The following SNX10 variants were observed in gnomAD, a reference collection of about 807,000 sequenced individuals.
SNX10 encodes the protein sorting nexin-10.
A neutral mutation model predicts 28.5 loss-of-function variants in SNX10; 25 were observed. That is an observed-to-expected ratio of 0.88 (90% CI 0.64 to 1.22). The LOEUF (loss-of-function observed/expected upper bound fraction) is 1.22, where lower values mean the gene tolerates loss of function less well. SNX10 is among the 50% of genes most tolerant of loss of function. The pLI is 0.00. For missense variants in SNX10, 223 were observed against 242.6 expected (o/e 0.92, Z 0.54); for synonymous variants, 62 against 81.4 (o/e 0.76, Z 1.28).
Position 26,364,177 on chromosome 7 carries a change from T to A in SNX10, c.112-358T>A. The A allele has an allele frequency of 3.4e-6, 1 of 292,576 alleles. No homozygotes were observed. Among genetic ancestry groups the A allele is most frequent in the Non-Finnish European group, 5.1e-6 (1 of 194,586 alleles). 18.1% of individuals were successfully genotyped at this position (292,576 alleles called of 1,614,324 possible). On this transcript the variant is annotated intron_variant, in intron 3 of 6. Coordinates refer to ENST00000338523, the MANE Select transcript of SNX10 (RefSeq NM_013322.3). This position sits in a 1 kb window ranked among gnomAD's most constrained non-coding sequence, Gnocchi z 4.9. ...CCAGCTTACGTGGATGGTGGTAAAA[T>A]GCAACGGATGAACCTGAGCTCCTAC... is the stretch of plus-strand genomic sequence containing the variant.
chr7:26,316,099 GCGTGAACCC>G (rs1787072984), intron 1 of SNX10, among the ~76,000 whole-genome samples: 1 of 151,240 alleles, frequency 6.6e-6, no homozygotes, highest in Admixed American at 6.6e-5. Context: ...CAGGAGAATG[GCGTGAACCC>G]CAGAGGCAGA....
At chr7:26,322,214 A>G (rs1300457699) in intron 1 of SNX10, among the ~76,000 whole-genome samples, 1 of 152,216 alleles carries the variant, frequency 6.6e-6, no homozygotes, top group Non-Finnish European at 1.5e-5. Context: ...GGGAATGCTG[A>G]GTGGTACCCA....
At chr7:26,333,473 G>A (rs1342527303) in intron 1 of SNX10, among the ~76,000 whole-genome samples, 6 of 151,886 alleles carry the variant, frequency 4.0e-5, no homozygotes, top group East Asian at 1.9e-4. Flanking sequence ...ACAGGTGCCC[G>A]CCACCGCACC....
intron 2 of SNX10, among the ~76,000 whole-genome samples, chr7:26,351,559 A>G (rs1788595587): frequency 6.6e-6 from 1 of 152,210 alleles, no homozygotes; most frequent in South Asian, 2.1e-4. Flanking sequence ...AAGGAAACAC[A>G]ATGACCAAAT....
chr7:26,330,803 C>G (rs187882807), intron 1 of SNX10, among the ~76,000 whole-genome samples: 24 of 151,998 alleles, frequency 1.6e-4, no homozygotes, highest in African/African-American at 5.6e-4. Context: ...GAGAATCGCT[C>G]GAGCCCTGGA....
intron 1 of SNX10, among the ~76,000 whole-genome samples, chr7:26,330,261 G>A (rs904433904): frequency 4.6e-5 from 7 of 152,146 alleles, no homozygotes; most frequent in Non-Finnish European, 5.9e-5. Context: ...AAAGCCACAG[G>A]CATGAGGAGC....
At chr7:26,327,635 A>G (rs912873417) in intron 1 of SNX10, among the ~76,000 whole-genome samples, 5 of 143,570 alleles carry the variant, frequency 3.5e-5, no homozygotes, top group Non-Finnish European at 7.7e-5. Flanking sequence ...ATATGTTTTA[A>G]TTTTCTTTGT....
chr7:26,352,725 T>A (rs1288114032), intron 2 of SNX10, among the ~76,000 whole-genome samples: 1 of 152,228 alleles, frequency 6.6e-6, no homozygotes, highest in Non-Finnish European at 1.5e-5. Flanking sequence ...TCATCAAATA[T>A]TCAATGTGCA....
chr7:26,317,458 C>T (rs951530251), intron 1 of SNX10, among the ~76,000 whole-genome samples: 3 of 152,140 alleles, frequency 2.0e-5, no homozygotes, highest in Non-Finnish European at 4.4e-5. Flanking sequence ...ACATACTCAG[C>T]ACAAGGCCGA....
chr7:26,319,096 T>C (rs771378733), intron 1 of SNX10, among the ~76,000 whole-genome samples: 10 of 152,232 alleles, frequency 6.6e-5, no homozygotes, highest in Non-Finnish European at 1.0e-4. Flanking sequence ...GGGAGGTCTG[T>C]GTCAAGAGAT....
intron 1 of SNX10, among the ~76,000 whole-genome samples, chr7:26,295,403 G>A (rs1786071663): frequency 6.6e-6 from 1 of 152,118 alleles, no homozygotes; most frequent in Non-Finnish European, 1.5e-5. Context: ...TTCTGGGGGA[G>A]AGAATCTGTA....
intron 1 of SNX10, among the ~76,000 whole-genome samples, chr7:26,292,653 T>G (rs1265829088): frequency 6.6e-6 from 1 of 152,106 alleles, no homozygotes; most frequent in African/African-American, 2.4e-5. Context: ...CATCATACTT[T>G]TCTCAAATTA....
At chr7:26,370,724 G>A (rs1789489946) in intron 5 of SNX10, 2 of 152,220 alleles carry the variant, frequency 1.3e-5, no homozygotes, top group Middle Eastern at 3.4e-3. Flanking sequence ...CAGAATATAA[G>A]GTAAGGTTCA....
At chr7:26,330,958 T>C (rs1787726578) in intron 1 of SNX10, among the ~76,000 whole-genome samples, 1 of 152,104 alleles carries the variant, frequency 6.6e-6, no homozygotes, top group South Asian at 2.1e-4. Context: ...AAGACCAGCC[T>C]GGACAACATG....
intron 2 of SNX10, among the ~76,000 whole-genome samples, chr7:26,352,827 T>G (rs769153768): frequency 1.3e-5 from 2 of 152,254 alleles, no homozygotes; most frequent in Non-Finnish European, 2.9e-5. Context: ...ACATTGCATT[T>G]GGTTGATACA....
Position 26,291,988 on chromosome 7 carries a change from C to A in SNX10, c.-122C>A, listed in dbSNP as rs1217970076. The A allele has an allele frequency of 6.8e-6, 1 of 147,240 alleles. No individual in the cohort carries two copies. Among genetic ancestry groups the A allele is most frequent in the African/African-American group, 2.4e-5 (1 of 40,844 alleles). The allele number at this position is 147,240 out of a possible 1,614,324, so 9.1% of individuals were successfully genotyped here. A position where few individuals can be genotyped will look rare whatever the true frequency, so the allele number is the denominator to read the frequency against. ...CTCGTGTGCGCTCCTGGGCGCTCGC[C>A]GCCGCCGCTGCCGCCGCGCGCCTTT... On this transcript the variant is annotated 5_prime_UTR_variant, in exon 1 of 7. Transcript: ENST00000338523.
intron 2 of SNX10, among the ~76,000 whole-genome samples, chr7:26,352,906 T>C (rs981643237): frequency 6.6e-6 from 1 of 152,248 alleles, no homozygotes; most frequent in Non-Finnish European, 1.5e-5. Flanking sequence ...TTGCATCTTT[T>C]GCCTTATGGA....
At chr7:26,325,576 G>T (rs1189820244) in intron 1 of SNX10, among the ~76,000 whole-genome samples, 1 of 149,764 alleles carries the variant, frequency 6.7e-6, no homozygotes, top group Non-Finnish European at 1.5e-5. Flanking sequence ...GCCTGCCTCG[G>T]CCTCCCAAAG....
At chr7:26,362,899 G>A (rs1387424074) in intron 3 of SNX10, among the ~76,000 whole-genome samples, 1 of 152,164 alleles carries the variant, frequency 6.6e-6, no homozygotes, top group African/African-American at 2.4e-5. Context: ...ACCTTAGTCT[G>A]GTGTAGGTAC....
Sources: gnomAD v4.1 joint callset for allele counts (sites outside exome capture counted in the v4.1 genomes callset) on GRCh38, gnomAD v4.1.1 for gene constraint, Gnocchi (gnomAD v3.1) non-coding constraint, MANE v1.5 for transcripts, NCBI Gene and HGNC (gene_info 2026-07-23, HGNC 2026-07-21) for gene names.